MBOAT2: variants seen among roughly 807,000 people sequenced by gnomAD.
MBOAT2 encodes the protein membrane-bound glycerophospholipid O-acyltransferase 2.
Under a neutral mutation model 63.4 loss-of-function variants are expected in MBOAT2, and 28 were observed. The observed-to-expected ratio is 0.44, with a 90% CI of 0.33 to 0.61. The LOEUF is 0.61. Ranked by LOEUF, MBOAT2 falls within the 20% of genes least tolerant of loss-of-function variation. The pLI is 0.03. For synonymous variants in MBOAT2, 211 were observed against 215.6 expected, an observed-to-expected ratio of 0.98 and a Z score of 0.19; for missense variants, 470 against 605.8, an observed-to-expected ratio of 0.78 and a Z score of 2.35.
At chr2:8,889,729 A>G (rs561697154) in intron 4 of MBOAT2, among the ~76,000 whole-genome samples, 1 of 152,330 alleles carries the variant, frequency 6.6e-6, no homozygotes, top group East Asian at 1.9e-4. Context: ...GTCACCTTAA[A>G]ACATAGTAAC....
At chr2:8,925,475 G>A (rs894984204) in intron 3 of MBOAT2, among the ~76,000 whole-genome samples, 4 of 152,218 alleles carry the variant, frequency 2.6e-5, no homozygotes, top group African/African-American at 7.2e-5. Flanking sequence ...GTGGGAAAAG[G>A]ATGAAGACAC....
chr2:8,894,107 C>T (rs1031347147), intron 4 of MBOAT2, among the ~76,000 whole-genome samples: 2 of 152,140 alleles, frequency 1.3e-5, no homozygotes, highest in African/African-American at 4.8e-5. Flanking sequence ...CCCTAGCCCC[C>T]ACCCGCCGAC....
chr2:8,979,751 CAT>C (rs1292176411), intron 1 of MBOAT2, among the ~76,000 whole-genome samples: 5 of 152,216 alleles, frequency 3.3e-5, no homozygotes, highest in South Asian at 2.1e-4. Context: ...TATACAGCGA[CAT>C]GTGGCAAATC....
chr2:8,970,288 T>C (rs1415217668), intron 1 of MBOAT2, among the ~76,000 whole-genome samples: 3 of 152,080 alleles, frequency 2.0e-5, no homozygotes, highest in East Asian at 1.9e-4. Context: ...CATAACGAAA[T>C]GAAGGCAGAA....
At chr2:8,963,186 T>C (rs1317545158) in intron 1 of MBOAT2, among the ~76,000 whole-genome samples, 1 of 148,432 alleles carries the variant, frequency 6.7e-6, no homozygotes, top group African/African-American at 2.5e-5. Context: ...TGCAGTGAGC[T>C]GTGATCACGC....
intron 3 of MBOAT2, among the ~76,000 whole-genome samples, chr2:8,912,821 TCA>T (rs1665891714): frequency 6.6e-6 from 1 of 152,096 alleles, no homozygotes; most frequent in Admixed American, 6.6e-5. Context: ...CCATCATTCT[TCA>T]CAGAGTTAGA....
intron 4 of MBOAT2, among the ~76,000 whole-genome samples, chr2:8,905,176 T>C (rs1665238549): frequency 6.6e-6 from 1 of 152,148 alleles, no homozygotes; most frequent in African/African-American, 2.4e-5. Flanking sequence ...ATCCACCTTA[T>C]TAGCCATCTA....
chr2:8,989,487 T>C (rs541211361), intron 1 of MBOAT2, among the ~76,000 whole-genome samples: 2 of 152,258 alleles, frequency 1.3e-5, no homozygotes, highest in South Asian at 4.1e-4. Context: ...AGGACAACAC[T>C]TAGAAAGTGA....
At chr2:8,905,510 A>G (rs1665265702) in intron 4 of MBOAT2, among the ~76,000 whole-genome samples, 1 of 152,212 alleles carries the variant, frequency 6.6e-6, no homozygotes, top group African/African-American at 2.4e-5. Context: ...TTGTAGGGAC[A>G]TGGATGAAGC....
chr2:8,971,767 A>G (rs1426112979), intron 1 of MBOAT2, among the ~76,000 whole-genome samples: 2 of 152,176 alleles, frequency 1.3e-5, no homozygotes, highest in African/African-American at 4.8e-5. Context: ...CCCATTCACA[A>G]TTGCTTCAAA....
intron 1 of MBOAT2, among the ~76,000 whole-genome samples, chr2:8,999,005 A>G (rs1672502938): frequency 6.6e-6 from 1 of 152,204 alleles, no homozygotes; most frequent in Admixed American, 6.5e-5. Flanking sequence ...TCTGTGTGAA[A>G]CAGCTTTGAA....
intron 1 of MBOAT2, among the ~76,000 whole-genome samples, chr2:8,978,281 G>A (rs1670964804): frequency 6.6e-6 from 1 of 152,030 alleles, no homozygotes; most frequent in Non-Finnish European, 1.5e-5. Context: ...CACATGGAAT[G>A]CACACAGATG....
chr2:8,954,287 T>C (rs1183849560), intron 2 of MBOAT2, among the ~76,000 whole-genome samples: 3 of 152,122 alleles, frequency 2.0e-5, no homozygotes, highest in Non-Finnish European at 2.9e-5. Flanking sequence ...GCAGCCAACA[T>C]AGCTGCGTAT....
intron 2 of MBOAT2, among the ~76,000 whole-genome samples, chr2:8,943,618 G>A (rs1036650893): frequency 3.3e-5 from 5 of 152,134 alleles, no homozygotes; most frequent in Admixed American, 6.6e-5. Flanking sequence ...TTTCAGGATC[G>A]TCCTGACAGA....
intron 4 of MBOAT2, among the ~76,000 whole-genome samples, chr2:8,889,851 T>C (rs1663857457): frequency 6.6e-6 from 1 of 152,242 alleles, no homozygotes; most frequent in Admixed American, 6.5e-5. Context: ...TGAGTGTCCT[T>C]CTTGTGCCCA....
intron 1 of MBOAT2, among the ~76,000 whole-genome samples, chr2:8,995,920 T>TATG (rs1672268410): frequency 6.6e-6 from 1 of 152,242 alleles, no homozygotes; most frequent in Non-Finnish European, 1.5e-5. Context: ...CTTTTAATAA[T>TATG]ATGAACAGCC....
At chr2:8,953,101 A>C (rs1191986810) in intron 2 of MBOAT2, among the ~76,000 whole-genome samples, 1 of 152,178 alleles carries the variant, frequency 6.6e-6, no homozygotes, top group African/African-American at 2.4e-5. Context: ...TTGTGGTAGC[A>C]GGTATTGTTC....
rs774392542 is a variant in MBOAT2 at position 8,908,674 on chromosome 2, T to C, written c.342A>G (p.Gln114=). 5.6e-6 allele frequency: 9 copies of C among 1,612,288 alleles called. No individual in the cohort carries two copies. The African/African-American group carries it at 1.1e-4, about 19-fold the overall frequency. Residue 114 remains glutamine, a synonymous_variant, in exon 4 of 13, where the codon CAA becomes CAG. Transcript: ENST00000305997. ...VFALGYLTVC[Q]VTRVYIFDYG... ...AGTCAAAGATATAGACTCGAGTAAC[T>C]TGGCACACTGTGAGGTATCCCAGAG...
intron 7 of MBOAT2, among the ~76,000 whole-genome samples, chr2:8,874,568 G>A (rs961156173): frequency 2.0e-5 from 3 of 152,140 alleles, no homozygotes; most frequent in Non-Finnish European, 4.4e-5. Context: ...GTGCTGCAAC[G>A]AAAATGTAAA....
Sources: allele counts gnomAD v4.1 joint callset (sites outside exome capture counted in the v4.1 genomes callset), GRCh38; gene constraint gnomAD v4.1.1; transcripts MANE v1.5; gene names NCBI Gene and HGNC (gene_info 2026-07-23, HGNC 2026-07-21).